ACTR3: variants seen among roughly 807,000 people sequenced by gnomAD.
ACTR3 encodes the protein actin related protein 3.
Under a neutral mutation model 56.8 loss-of-function variants are expected in ACTR3, and 12 were observed. That is an observed-to-expected ratio of 0.21 (90% confidence interval 0.14 to 0.34). ACTR3 has a LOEUF of 0.34. Ranked by LOEUF, ACTR3 falls within the 10% of genes least tolerant of loss-of-function variation. The pLI is 1.00. For missense variants in ACTR3, 282 were observed against 512.5 expected (o/e 0.55, Z 4.34); for synonymous variants, 162 against 167.4 (o/e 0.97, Z 0.25).
At chr2:113,907,709 AC>A (rs1439638354) in intron 1 of ACTR3, among the ~76,000 whole-genome samples, 2 of 152,170 alleles carry the variant, frequency 1.3e-5, no homozygotes, top group Non-Finnish European at 2.9e-5. Flanking sequence ...ACGGTGGCTC[AC>A]AGCTGTAATC....
At chr2:113,924,905 A>C (rs1679588372) in intron 3 of ACTR3, among the ~76,000 whole-genome samples, 2 of 151,734 alleles carry the variant, frequency 1.3e-5, no homozygotes, top group African/African-American at 4.8e-5. Flanking sequence ...TTATTTATTT[A>C]TTTATTTATT....
intron 11 of ACTR3, among the ~76,000 whole-genome samples, 189 bp downstream of exon 11, chr2:113,955,895 G>A (rs1224508151): frequency 3.3e-5 from 5 of 151,998 alleles, no homozygotes; most frequent in Non-Finnish European, 7.4e-5. Flanking sequence ...CTACAGGCAT[G>A]CGTCACCACA....
chr2:113,890,586 G>A lies in ACTR3; in HGVS notation c.44+263G>A. On this transcript the variant is annotated intron_variant, in intron 1 of 11. Coordinates refer to ENST00000263238, the MANE Select transcript of ACTR3 (RefSeq NM_005721.5). ...CGGCTTTCTCCGCGCGACCCCTCCCGGCCCTTCCCCCACTACGGTGGGCAG... is the reference window on the plus strand; with the variant it reads ...CGGCTTTCTCCGCGCGACCCCTCCCAGCCCTTCCCCCACTACGGTGGGCAG... 4.4e-6 allele frequency: 6 copies of A among 1,356,362 alleles called. No individual in the cohort carries two copies. The South Asian group carries it at 7.0e-5, about 16-fold the overall frequency. The allele number at this position is 1,356,362 out of a possible 1,614,324, so 84.0% of individuals were successfully genotyped here. A position where few individuals can be genotyped will look rare whatever the true frequency, so the allele number is the denominator to read the frequency against.
chr2:113,931,470 C>CTTTTT, intron 5 of ACTR3, 74 bp downstream of exon 5: 2 of 687,594 alleles, frequency 2.9e-6, no homozygotes, highest in South Asian at 3.4e-5. Flanking sequence ...AAAATACGTA[C>CTTTTT]TTTTTTTTTT....
chr2:113,931,192 G>T, intron 4 of ACTR3, 109 bp from the exon 5 acceptor site: 2 of 600,988 alleles, frequency 3.3e-6, no homozygotes, highest in Non-Finnish European at 2.7e-6. Context: ...TAAATTTAAT[G>T]CATTTTAAAT....
At chr2:113,927,199 A>G (rs913983192) in intron 3 of ACTR3, 146 bp from the exon 4 acceptor site, 2 of 470,494 alleles carry the variant, frequency 4.3e-6, no homozygotes, top group Admixed American at 3.9e-5. Flanking sequence ...TTAAGTACAC[A>G]TCTTTTAAGG....
chr2:113,961,729 T>G lies in ACTR3; in HGVS notation c.*4274T>G, dbSNP rs951335289. On this transcript the variant is annotated 3_prime_UTR_variant, in exon 12 of 12. Transcript: ENST00000263238. ...GCTTAGTCTAATAGTAAAGGCACTC[T>G]TAGAGGAGGGACAAATATTTTGCCT... 1.1e-4 allele frequency: 17 copies of G among 152,050 alleles called. No homozygotes were observed. The Middle Eastern group carries it at 0.014, about 122-fold the overall frequency. The allele number at this position is 152,050 out of a possible 1,614,324, so 9.4% of individuals were successfully genotyped here. A position where few individuals can be genotyped will look rare whatever the true frequency, so the allele number is the denominator to read the frequency against.
intron 4 of ACTR3, among the ~76,000 whole-genome samples, chr2:113,928,455 A>G (rs1679658740): frequency 1.3e-5 from 2 of 152,218 alleles, no homozygotes; most frequent in Non-Finnish European, 2.9e-5. Flanking sequence ...TATTCTTTTC[A>G]TATAAAATTT....
At chr2:113,919,599 A>T (rs1553493941) in intron 3 of ACTR3, among the ~76,000 whole-genome samples, 4 of 152,162 alleles carry the variant, frequency 2.6e-5, no homozygotes, top group Non-Finnish European at 5.9e-5. Flanking sequence ...GAAAAAGTGG[A>T]TAATTAAAGA....
intron 6 of ACTR3, 59 bp downstream of exon 6, chr2:113,934,445 A>G: frequency 9.1e-7 from 1 of 1,103,028 alleles, no homozygotes; most frequent in Non-Finnish European, 1.3e-6. Context: ...GCAAAGTTAA[A>G]TTATACGAAT....
intron 1 of ACTR3, among the ~76,000 whole-genome samples, chr2:113,899,194 C>T (rs1679057548): frequency 6.6e-6 from 1 of 152,072 alleles, no homozygotes; most frequent in Admixed American, 6.5e-5. Flanking sequence ...CTGATAATTG[C>T]TGATAAATTC....
chr2:113,912,252 A>C (rs1166867668), intron 1 of ACTR3, among the ~76,000 whole-genome samples: 1 of 152,106 alleles, frequency 6.6e-6, no homozygotes, highest in Non-Finnish European at 1.5e-5. Context: ...TGTCACAGCA[A>C]TTACCTGTCT....
In ACTR3 at chr2:113,942,335, A is replaced by G; in HGVS notation, c.834A>G (p.Gly278=). ...ATGTTGGTTATGAGAGATTTTTGGG[A>G]CCTGAAATCTTTTTTCATCCAGAGG... ...SIDVGYERFL[G]PEIFFHPEFA... is the part of the protein sequence containing the mutation. The change falls in exon 8 of 12, where the codon GGA becomes GGG. Residue 278 remains glycine, a synonymous_variant. Transcript: ENST00000263238. 1.3e-6 allele frequency: 2 copies of G among 1,578,202 alleles called. No homozygotes were observed. The highest frequency in any genetic ancestry group is 1.7e-6 in the Non-Finnish European group (2 of 1,167,578).
At chr2:113,900,356 C>T (rs1185906246) in intron 1 of ACTR3, among the ~76,000 whole-genome samples, 1 of 152,096 alleles carries the variant, frequency 6.6e-6, no homozygotes, top group Non-Finnish European at 1.5e-5. Flanking sequence ...CCTATTTTGG[C>T]CATTTCATGT....
chr2:113,931,213 A>AT, intron 4 of ACTR3, 88 bp from the exon 5 acceptor site: 1 of 730,552 alleles, frequency 1.4e-6, no homozygotes, highest in Non-Finnish European at 2.1e-6. Context: ...AAAATGTTTG[A>AT]AATAAATTAC....
At chr2:113,893,255 TC>T (rs1263557301) in intron 1 of ACTR3, among the ~76,000 whole-genome samples, 2 of 149,066 alleles carry the variant, frequency 1.3e-5, no homozygotes, top group Admixed American at 6.6e-5. Context: ...GTGGAAGGGA[TC>T]GTTTTTTAAA....
At chr2:113,953,173 A>T (rs1391127272) in intron 10 of ACTR3, 1 of 152,204 alleles carries the variant, frequency 6.6e-6, no homozygotes, top group Non-Finnish European at 1.5e-5. Context: ...ATAGTATTTT[A>T]AAAAAGTGAG....
chr2:113,923,436 T>C (rs12466572), intron 3 of ACTR3, among the ~76,000 whole-genome samples: 34,034 of 151,896 alleles, frequency 0.22, 7,661 homozygotes, highest in African/African-American at 0.57. Flanking sequence ...TTCGGGTTCA[T>C]GCCATTCTCC....
intron 8 of ACTR3, among the ~76,000 whole-genome samples, chr2:113,946,817 A>T (rs760995281): frequency 5.3e-4 from 80 of 152,306 alleles, no homozygotes; most frequent in Middle Eastern, 3.4e-3. Context: ...TCATTTATTC[A>T]TTCATTTATT....
Sources: gnomAD v4.1 joint callset for allele counts (sites outside exome capture counted in the v4.1 genomes callset) on GRCh38, gnomAD v4.1.1 for gene constraint, MANE v1.5 for transcripts, NCBI Gene and HGNC (gene_info 2026-07-23, HGNC 2026-07-21) for gene names.